The following ANKFN1 variants were observed in gnomAD, a reference collection of about 807,000 sequenced individuals.
The protein encoded by ANKFN1 is ankyrin repeat and fibronectin type III domain containing 1.
In ANKFN1, 74 loss-of-function variants were observed where a neutral mutation model predicts 108.7. The ratio of observed to expected loss-of-function variants is 0.68; its 90% CI spans 0.56 to 0.83. The LOEUF (loss-of-function observed/expected upper bound fraction) is 0.83, where lower values mean the gene tolerates loss of function less well. ANKFN1 is among the 40% of genes least tolerant of loss of function. The pLI is 0.00. For missense variants in ANKFN1, 1,505 were observed against 1,382.3 expected, an observed-to-expected ratio of 1.09 and a Z score of -1.41; for synonymous variants, 547 against 516.2, an observed-to-expected ratio of 1.06 and a Z score of -0.81.
At chr17:56,161,911 G>T (rs1345651404) in intron 1 of ANKFN1, among the ~76,000 whole-genome samples, 1 of 152,214 alleles carries the variant, frequency 6.6e-6, no homozygotes, top group Non-Finnish European at 1.5e-5. Context: ...AACCATGCTT[G>T]CCAAAATGCA....
At chr17:56,270,407 A>T (rs139151065) in intron 3 of ANKFN1, among the ~76,000 whole-genome samples, 1 of 152,316 alleles carries the variant, frequency 6.6e-6, no homozygotes, top group East Asian at 1.9e-4. Flanking sequence ...ACAGGAAGAG[A>T]GAAAAGCTAC....
At chr17:56,183,475 A>T (rs1271971349) in intron 1 of ANKFN1, among the ~76,000 whole-genome samples, 3 of 152,160 alleles carry the variant, frequency 2.0e-5, no homozygotes, top group Non-Finnish European at 4.4e-5. Flanking sequence ...TCCCCCATGA[A>T]TGGCTTAGCA....
chr17:56,332,581 T>C (rs1429941149), intron 4 of ANKFN1, among the ~76,000 whole-genome samples: 2 of 152,172 alleles, frequency 1.3e-5, no homozygotes, highest in Admixed American at 6.6e-5. Context: ...TTGACATCTT[T>C]TTCAGAGATG....
At chr17:56,489,883 T>C (rs928677600) in intron 18 of ANKFN1, among the ~76,000 whole-genome samples, 1 of 151,738 alleles carries the variant, frequency 6.6e-6, no homozygotes, top group South Asian at 2.1e-4. Flanking sequence ...GGGTCAAGAG[T>C]AAGCTAAAAA....
intron 4 of ANKFN1, among the ~76,000 whole-genome samples, chr17:56,125,099 A>G (rs1210620824): frequency 6.6e-6 from 1 of 152,088 alleles, no homozygotes; most frequent in Non-Finnish European, 1.5e-5. Context: ...AATCACCTCA[A>G]CTTACATTGA....
At chr17:56,148,586 C>T (rs184859782), upstream of ANKFN1, among the ~76,000 whole-genome samples, 427 of 152,198 alleles carry the variant, frequency 2.8e-3, 2 homozygotes, top group African/African-American at 9.8e-3. Context: ...ATCAGAACCA[C>T]CTATCTGTGT....
intron 15 of ANKFN1, among the ~76,000 whole-genome samples, chr17:56,474,848 A>G (rs7223494): frequency 0.076 from 11,514 of 152,220 alleles, 1,076 homozygotes; most frequent in African/African-American, 0.22. Flanking sequence ...AGAAGACATT[A>G]AAAAGTTCAG....
chr17:56,049,386 G>A (rs1476482207), intron 4 of ANKFN1, among the ~76,000 whole-genome samples: 1 of 97,418 alleles, frequency 1.0e-5, no homozygotes, highest in Non-Finnish European at 2.3e-5. Context: ...AAGCGGGTTT[G>A]ATAAATGATT....
intron 4 of ANKFN1, among the ~76,000 whole-genome samples, chr17:56,097,830 A>C (rs1905561958): frequency 6.6e-6 from 1 of 152,162 alleles, no homozygotes; most frequent in Non-Finnish European, 1.5e-5. Context: ...CTTGGCCTGA[A>C]GTGCTGCTCC....
At chr17:56,172,598 T>C (rs954836460) in intron 1 of ANKFN1, among the ~76,000 whole-genome samples, 5 of 151,978 alleles carry the variant, frequency 3.3e-5, no homozygotes, top group African/African-American at 7.3e-5. Context: ...GAGCAGGACA[T>C]GGGAGGTGCC....
At chr17:56,381,487 C>T (rs186054497) in intron 8 of ANKFN1, among the ~76,000 whole-genome samples, 428 of 152,216 alleles carry the variant, frequency 2.8e-3, no homozygotes, top group African/African-American at 8.3e-3. Flanking sequence ...CAAACTACTC[C>T]GAGCTACAGG....
At chr17:56,156,742 C>G (rs1909158453) in intron 1 of ANKFN1, among the ~76,000 whole-genome samples, 1 of 152,158 alleles carries the variant, frequency 6.6e-6, no homozygotes, top group Non-Finnish European at 1.5e-5. Context: ...TTCTTTTACG[C>G]TTAGAGTTAG....
At chr17:56,119,742 A>T (rs1906496957) in intron 4 of ANKFN1, among the ~76,000 whole-genome samples, 1 of 152,172 alleles carries the variant, frequency 6.6e-6, no homozygotes, top group Non-Finnish European at 1.5e-5. Context: ...TGAAAGTTTT[A>T]CTAAGCACAG....
intron 8 of ANKFN1, among the ~76,000 whole-genome samples, chr17:56,424,022 C>G (rs1042490546): frequency 6.6e-5 from 10 of 152,050 alleles, no homozygotes; most frequent in African/African-American, 2.2e-4. Flanking sequence ...AGGTGGAGAA[C>G]CTAAATAAAA....
At chr17:56,421,646 A>G (rs994803320) in intron 8 of ANKFN1, among the ~76,000 whole-genome samples, 3 of 152,224 alleles carry the variant, frequency 2.0e-5, no homozygotes, top group African/African-American at 7.2e-5. Context: ...TCAGAAACCA[A>G]GCTTTAGACT....
chr17:56,481,082 CAAA>C (rs11439875), intron 17 of ANKFN1, among the ~76,000 whole-genome samples: 5 of 65,872 alleles, frequency 7.6e-5, no homozygotes, highest in Admixed American at 3.8e-4. Flanking sequence ...GTCTGGTCAG[CAAA>C]AAAAAAAAAA....
chr17:56,418,875 C>T (rs2048317049), intron 8 of ANKFN1, among the ~76,000 whole-genome samples: 1 of 151,480 alleles, frequency 6.6e-6, no homozygotes, highest in East Asian at 1.9e-4. Flanking sequence ...GTTAATGCAC[C>T]TTGCCCAGGA....
intron 1 of ANKFN1, among the ~76,000 whole-genome samples, chr17:56,210,099 T>TAGAC (rs1491462665): frequency 6.6e-6 from 1 of 152,034 alleles, no homozygotes; most frequent in African/African-American, 2.4e-5. Flanking sequence ...GATAGATAGA[T>TAGAC]AGATAGATAA....
chr17:56,458,006 C>T (rs1287508835), intron 14 of ANKFN1, 27 bp downstream of exon 14: 2 of 1,579,144 alleles, frequency 1.3e-6, no homozygotes, highest in African/African-American at 2.7e-5. Flanking sequence ...CAACCCAGGC[C>T]CCCAAGGAAA....
Sources: gnomAD v4.1 joint callset for allele counts (sites outside exome capture counted in the v4.1 genomes callset) on GRCh38, gnomAD v4.1.1 for gene constraint, MANE v1.5 for transcripts, NCBI Gene and HGNC (gene_info 2026-07-23, HGNC 2026-07-21) for gene names.